Variants in CCDC190 observed in about 807,000 individuals in gnomAD.
CCDC190 encodes coiled-coil domain-containing protein 190.
In CCDC190, 10 loss-of-function variants were observed where a neutral mutation model predicts 13.1. The observed-to-expected ratio is 0.77, with a 90% confidence interval of 0.47 to 1.30. CCDC190 has a LOEUF of 1.30. CCDC190 is among the 50% of genes most tolerant of loss of function. CCDC190 has a pLI of 0.00. For synonymous variants in CCDC190, 136 were observed against 127.2 expected, an observed-to-expected ratio of 1.07 and a Z score of -0.47; for missense variants, 375 against 354.3, an observed-to-expected ratio of 1.06 and a Z score of -0.47.
At chr1:162,861,553 T>C (rs1650518822), upstream of CCDC190, among the ~76,000 whole-genome samples, 1 of 152,174 alleles carries the variant, frequency 6.6e-6, no homozygotes, top group South Asian at 2.1e-4. Context: ...CTGTTCACAC[T>C]TCGTGCAGGA....
rs139985367 is a variant in CCDC190 at position 162,859,770 on chromosome 1, T to A, written c.-12-112A>T. Reference sequence around the variant, plus strand: ...ACCTGTGTATTTCTGAAACCACAGGTGCCTAGTCAGATGAAATCACACTAT... The same window carrying A: ...ACCTGTGTATTTCTGAAACCACAGGAGCCTAGTCAGATGAAATCACACTAT... On this transcript the variant is annotated intron_variant, in intron 1 of 3. Coordinates refer to ENST00000367912, the MANE Select transcript of CCDC190 (RefSeq NM_001394065.1). 7.2e-5 allele frequency: 58 copies of A among 800,650 alleles called. No homozygotes were observed. In the East Asian group the frequency reaches 1.6e-3, roughly 22 times the overall value. 49.6% of individuals were successfully genotyped at this position (800,650 alleles called of 1,614,324 possible).
At chr1:162,867,213 A>T (rs1380795157) in intron 1 of CCDC190, among the ~76,000 whole-genome samples, 2 of 152,084 alleles carry the variant, frequency 1.3e-5, no homozygotes, top group African/African-American at 4.8e-5. Flanking sequence ...TAACCAAAAA[A>T]CTCTATCTAT....
At chr1:162,859,343 A>G in intron 2 of CCDC190, 117 bp downstream of exon 2, 1 of 921,384 alleles carries the variant, frequency 1.1e-6, no homozygotes, top group South Asian at 1.8e-5. Flanking sequence ...CCTGGCTGTG[A>G]TCAAAAGCTC....
In CCDC190 at chr1:162,861,135, G is replaced by C; in HGVS notation, c.-140C>G. On this transcript the variant is annotated 5_prime_UTR_variant, in exon 1 of 4. Coordinates refer to ENST00000367912, the MANE Select transcript of CCDC190 (RefSeq NM_001394065.1). ...GTTTGGTGTTTGGAGAAAGGATAGA[G>C]GGAGACCATTGGAGAGGGCTGCGAG... is the stretch of plus-strand genomic sequence containing the variant. 2.2e-6 allele frequency: 1 copy of C among 460,232 alleles called. No individual in the cohort carries two copies. The highest frequency in any genetic ancestry group is 9.3e-5 in the South Asian group (1 of 10,736). The allele number at this position is 460,232 out of a possible 1,614,324, so 28.5% of individuals were successfully genotyped here.
At chr1:162,865,249 G>A (rs1166043487), upstream of CCDC190, among the ~76,000 whole-genome samples, 4 of 152,030 alleles carry the variant, frequency 2.6e-5, no homozygotes, top group Admixed American at 6.5e-5. Flanking sequence ...AAGCAAAAAC[G>A]AATAGAATTA....
chr1:162,859,702 C>T lies in CCDC190; in HGVS notation c.-12-44G>A, dbSNP rs1650431147. 2.7e-6 allele frequency: 4 copies of T among 1,492,100 alleles called. No homozygotes were observed. In the Admixed American group the frequency reaches 6.1e-5, roughly 23 times the overall value. The allele number at this position is 1,492,100 out of a possible 1,614,324, so 92.4% of individuals were successfully genotyped here. A position where few individuals can be genotyped will look rare whatever the true frequency, so the allele number is the denominator to read the frequency against. On this transcript the variant is annotated intron_variant, in intron 1 of 3. Transcript: ENST00000367912. The stretch of plus-strand genomic sequence containing the variant: ...CACAAATAACCTGATAAATGGAAGA[C>T]TGGGATACTGACCCCGGCTTTTAAT...
In CCDC190 at chr1:162,854,810, T is replaced by TC. The variant is rs762526915; in HGVS notation, c.860dup (p.Glu289GlyfsTer3). On this transcript the variant is annotated frameshift_variant, in exon 4 of 4. Coordinates refer to ENST00000367912, the MANE Select transcript of CCDC190 (RefSeq NM_001394065.1). LOFTEE classifies it low-confidence loss of function (END_TRUNC). ...AAGGCACCCTGTTTTCACACTCCTT[T>TC]CCTGCCCTGGATGATGAGGATTCCC... 3 of 1,613,834 alleles carry TC rather than the reference T, an allele frequency of 1.9e-6. No individual in the cohort carries two copies. The highest frequency in any genetic ancestry group is 2.5e-6 in the Non-Finnish European group (3 of 1,179,768).
intron 2 of CCDC190, among the ~76,000 whole-genome samples, chr1:162,858,701 C>T (rs1249504050): frequency 6.6e-6 from 1 of 152,212 alleles, no homozygotes; most frequent in Non-Finnish European, 1.5e-5. Flanking sequence ...TGAGATATTT[C>T]TTTCCTGTGC....
intron 1 of CCDC190, among the ~76,000 whole-genome samples, chr1:162,860,510 C>A (rs1650470025): frequency 6.6e-6 from 1 of 152,074 alleles, no homozygotes. Flanking sequence ...GAGCTAAGAG[C>A]ACAACATGTG....
chr1:162,856,145 C>A (rs1319158324), intron 2 of CCDC190, among the ~76,000 whole-genome samples: 1 of 152,030 alleles, frequency 6.6e-6, no homozygotes, highest in African/African-American at 2.4e-5. Context: ...GTTTAAGGCA[C>A]CCGGTTTATA....
Position 162,851,074 on chromosome 1 carries a change from A to C in CCDC190, c.*3691T>G, listed in dbSNP as rs2102255103. Among the ~76,000 whole-genome samples the C allele has an allele frequency of 6.6e-6, 1 of 152,214 alleles. No homozygotes were observed. Among genetic ancestry groups the C allele is most frequent in the South Asian group, 2.1e-4 (1 of 4,816 alleles). Reference sequence around the variant, plus strand: ...ATATTCATTTAACTGCATTTAGGTTATTATTGTTTATGGTTCTCATCCAGT... The same window carrying C: ...ATATTCATTTAACTGCATTTAGGTTCTTATTGTTTATGGTTCTCATCCAGT... On this transcript the variant is annotated 3_prime_UTR_variant, in exon 4 of 4. Coordinates refer to ENST00000367912, the MANE Select transcript of CCDC190 (RefSeq NM_001394065.1).
intron 2 of CCDC190, among the ~76,000 whole-genome samples, chr1:162,857,597 T>C (rs1462848059): frequency 6.6e-6 from 1 of 152,190 alleles, no homozygotes; most frequent in Non-Finnish European, 1.5e-5. Context: ...CCCCATTCCA[T>C]ACGTCCTCCT....
intron 1 of CCDC190, among the ~76,000 whole-genome samples, chr1:162,866,292 C>A (rs987125542): frequency 6.6e-6 from 1 of 152,038 alleles, no homozygotes; most frequent in Non-Finnish European, 1.5e-5. Flanking sequence ...GAAACCCAGT[C>A]TCTACTAAAA....
rs765990205 is a variant in CCDC190 at position 162,854,879 on chromosome 1, AG to A, written c.791del (p.Pro264LeufsTer43). 13 of 1,613,948 alleles carry A rather than the reference AG, an allele frequency of 8.1e-6. No individual in the cohort carries two copies. The Admixed American group carries it at 1.7e-4, about 21-fold the overall frequency. The part of the protein sequence containing the change: ...NAHYLRHRVP[P>X]ESERLLSIGE... ...CAATGCTAAGCAACCTCTCAGACTC[AG>A]GGGGGACCCTGTGCCGGAGATAATG... On this transcript the variant is annotated frameshift_variant, in exon 4 of 4. Coordinates refer to ENST00000367912, the MANE Select transcript of CCDC190 (RefSeq NM_001394065.1). LOFTEE classifies it low-confidence loss of function (END_TRUNC).
At chr1:162,859,721 T>C (rs1177432456) in intron 1 of CCDC190, 63 bp from the exon 2 acceptor site, 2 of 1,364,462 alleles carry the variant, frequency 1.5e-6, no homozygotes, top group Non-Finnish European at 2.0e-6. Context: ...TGACCCCGGC[T>C]TTTAATCAGA....
At position 162,854,589 on chromosome 1, in the gene CCDC190, A is replaced by T; in HGVS notation, c.*176T>A. 7.2e-7 allele frequency: 1 copy of T among 1,390,616 alleles called. No homozygotes were observed. The highest frequency in any genetic ancestry group is 9.3e-7 in the Non-Finnish European group (1 of 1,074,472). The allele number at this position is 1,390,616 out of a possible 1,614,324, so 86.1% of individuals were successfully genotyped here. A position where few individuals can be genotyped will look rare whatever the true frequency, so the allele number is the denominator to read the frequency against. ...TCATTCTTCCTCTCCTTTTTCATATATTAGCATTGTTCATTCAAGAAATAT... is the reference window on the plus strand; with the variant it reads ...TCATTCTTCCTCTCCTTTTTCATATTTTAGCATTGTTCATTCAAGAAATAT... On this transcript the variant is annotated 3_prime_UTR_variant, in exon 4 of 4. Transcript: ENST00000367912.
Position 162,855,357 on chromosome 1 carries a change from G to A in CCDC190, c.314C>T (p.Ala105Val). ...HRAPQAKKMRALATRMAQDTC... is the reference protein window; with the variant it reads ...HRAPQAKKMRVLATRMAQDTC... ...GTCTTGGGCCATACGGGTTGCCAATGCTCTGAGAAAGGACATAAAAGAAAG... is the reference window on the plus strand; with the variant it reads ...GTCTTGGGCCATACGGGTTGCCAATACTCTGAGAAAGGACATAAAAGAAAG... The change falls in exon 4 of 4, where the codon GCA becomes GTA. Residue 105 changes from alanine to valine, a missense_variant and splice_region_variant. By Grantham distance (64) the Ala-to-Val change is moderately conservative (BLOSUM62 0). Transcript: ENST00000367912. 1 of 1,595,644 alleles carries A rather than the reference G, an allele frequency of 6.3e-7. No individual in the cohort carries two copies.
intron 2 of CCDC190, 143 bp from the exon 3 acceptor site, chr1:162,855,898 C>CATT: frequency 1.5e-6 from 1 of 682,340 alleles, no homozygotes; most frequent in African/African-American, 1.8e-5. Flanking sequence ...AAAATGAGGT[C>CATT]ATTAGGGTGG....
At chr1:162,863,004 A>G (rs1343622552), upstream of CCDC190, among the ~76,000 whole-genome samples, 1 of 152,032 alleles carries the variant, frequency 6.6e-6, no homozygotes, top group African/African-American at 2.4e-5. Flanking sequence ...GAATTTGCCC[A>G]GGATATCATT....
Sources: allele counts gnomAD v4.1 joint callset (sites outside exome capture counted in the v4.1 genomes callset), GRCh38; gene constraint gnomAD v4.1.1; transcripts MANE v1.5; gene names NCBI Gene and HGNC (gene_info 2026-07-23, HGNC 2026-07-21).